Variants in GALNT17 observed in about 807,000 individuals in gnomAD.
GALNT17 encodes UDP-GalNAc:polypeptide N-acetylgalactosaminyltransferase-like 3.
In GALNT17, 29 loss-of-function variants were observed where a neutral mutation model predicts 63.7. That is an observed-to-expected ratio of 0.46 (90% CI 0.34 to 0.62). The LOEUF (loss-of-function observed/expected upper bound fraction) is 0.62, where lower values mean the gene tolerates loss of function less well. Ranked by LOEUF, GALNT17 falls within the 20% of genes least tolerant of loss-of-function variation. The pLI is 0.01. For missense variants in GALNT17, 603 were observed against 799.6 expected (o/e 0.75, Z 2.97); for synonymous variants, 305 against 318.3 (o/e 0.96, Z 0.45).
chr7:71,597,739 C>T (rs1789909193), intron 6 of GALNT17, among the ~76,000 whole-genome samples: 1 of 152,018 alleles, frequency 6.6e-6, no homozygotes, highest in Non-Finnish European at 1.5e-5. Flanking sequence ...AAGAGCTTTC[C>T]TGGCAGAGGT....
chr7:71,187,699 G>A (rs1206599280), intron 1 of GALNT17, among the ~76,000 whole-genome samples: 1 of 152,122 alleles, frequency 6.6e-6, no homozygotes, highest in African/African-American at 2.4e-5. Context: ...AATGGCTGAG[G>A]AGGGTGTTTC....
intron 1 of GALNT17, among the ~76,000 whole-genome samples, chr7:71,176,394 T>C (rs1044614168): frequency 6.6e-5 from 10 of 152,058 alleles, no homozygotes; most frequent in African/African-American, 2.4e-4. Flanking sequence ...AGTGGCAGGA[T>C]TTAATTGTTG....
intron 1 of GALNT17, among the ~76,000 whole-genome samples, chr7:71,251,608 C>T (rs192636601): frequency 6.6e-6 from 1 of 152,270 alleles, no homozygotes; most frequent in East Asian, 1.9e-4. Flanking sequence ...GATGGGGTCT[C>T]ACTGTGTTGC....
intron 1 of GALNT17, among the ~76,000 whole-genome samples, chr7:71,195,329 C>T (rs958570841): frequency 6.6e-6 from 1 of 152,060 alleles, no homozygotes; most frequent in African/African-American, 2.4e-5. Context: ...GATCTTTCCG[C>T]CTCAGTCTCC....
At chr7:71,657,666 T>C (rs561735298) in intron 6 of GALNT17, among the ~76,000 whole-genome samples, 1 of 152,206 alleles carries the variant, frequency 6.6e-6, no homozygotes, top group Non-Finnish European at 1.5e-5. Flanking sequence ...AATTGAGTCA[T>C]CAGATCACAA....
chr7:71,469,117 G>A (rs896720255), intron 5 of GALNT17, among the ~76,000 whole-genome samples: 10 of 152,112 alleles, frequency 6.6e-5, no homozygotes, highest in African/African-American at 2.4e-4. Flanking sequence ...AGGCACAGCA[G>A]AGGAGGGAAG....
At chr7:71,597,819 G>T (rs1255344608) in intron 6 of GALNT17, among the ~76,000 whole-genome samples, 1 of 152,156 alleles carries the variant, frequency 6.6e-6, no homozygotes, top group East Asian at 1.9e-4. Flanking sequence ...TGTCAATGTG[G>T]GACCTGTGTA....
At chr7:71,162,123 C>CCCTTCCTT (rs527578764) in intron 1 of GALNT17, among the ~76,000 whole-genome samples, 6,125 of 53,684 alleles carry the variant, frequency 0.11, 550 homozygotes, top group East Asian at 0.24. Flanking sequence ...CTCCCTCCCT[C>CCCTTCCTT]CCTTCCTTCC....
At chr7:71,150,373 C>T (rs1224596923) in intron 1 of GALNT17, among the ~76,000 whole-genome samples, 2 of 151,978 alleles carry the variant, frequency 1.3e-5, no homozygotes, top group African/African-American at 4.8e-5. Context: ...TTCAGGCTCC[C>T]CTGCAGTTAG....
intron 6 of GALNT17, among the ~76,000 whole-genome samples, chr7:71,580,451 CATAG>C (rs1400718513): frequency 6.7e-6 from 1 of 149,312 alleles, no homozygotes; most frequent in Non-Finnish European, 1.5e-5. Flanking sequence ...ATAGATGAGA[CATAG>C]ATAGTCTCAA....
At chr7:71,455,145 C>A in intron 5 of GALNT17, among the ~76,000 whole-genome samples, 1 of 149,680 alleles carries the variant, frequency 6.7e-6, no homozygotes, top group Non-Finnish European at 1.5e-5. Flanking sequence ...CCAGCCTGGG[C>A]AGCAGAGCAA....
rs565727729 is a variant in GALNT17, at chr7:71,403,566, G to A, written c.590-12323G>A. Among the ~76,000 whole-genome samples the A allele has an allele frequency of 1.1e-4, 17 of 152,310 alleles. No individual in the cohort carries two copies. In the South Asian group the frequency reaches 3.1e-3, roughly 28 times the overall value. ...GCTATTGATAGAACACTCGTATGAT[G>A]CATTAGTAACTTAACGTGGACATTT... On this transcript the variant is annotated intron_variant, in intron 3 of 10. Coordinates refer to ENST00000333538, the MANE Select transcript of GALNT17 (RefSeq NM_022479.3).
Position 71,693,263 on chromosome 7 carries a change from TACACACACACACACAC to T in GALNT17, c.1500+15989_1500+16004del, listed in dbSNP as rs761584365. 1.9e-4 allele frequency among the ~76,000 whole-genome samples: 21 copies of T among 108,894 alleles called. 3 individuals carry two copies. The highest frequency in any genetic ancestry group is 4.7e-4 in the East Asian group (1 of 2,136). The allele number at this position is 108,894 out of a possible 152,430, so 71.4% of individuals were successfully genotyped here. The stretch of plus-strand genomic sequence containing the variant: ...ACACATATATATACACACACACACA[TACACACACACACACAC>T]ACACACACACACACACACACACACA... On this transcript the variant is annotated intron_variant, in intron 9 of 10. Coordinates refer to ENST00000333538, the MANE Select transcript of GALNT17 (RefSeq NM_022479.3).
At chr7:71,239,750 A>C (rs1477449023) in intron 1 of GALNT17, among the ~76,000 whole-genome samples, 1 of 152,232 alleles carries the variant, frequency 6.6e-6, no homozygotes, top group Admixed American at 6.5e-5. Flanking sequence ...AAGCTGGGAC[A>C]TGTGACGAGG....
rs531235042 is a variant in GALNT17, at chr7:71,319,475, G to T, written c.239-16075G>T. ...TCAGTATTCAAACCCCTTTCTCTTT[G>T]TGTGTTTCTACTGCCCAGGTCTTCT... On this transcript the variant is annotated intron_variant, in intron 1 of 10. Transcript: ENST00000333538. Among the ~76,000 whole-genome samples, 4 of 152,106 alleles carry T rather than the reference G, an allele frequency of 2.6e-5. No individual in the cohort carries two copies. The South Asian group carries it at 8.3e-4, about 32-fold the overall frequency.
At chr7:71,665,646 G>C in intron 7 of GALNT17, 50 bp downstream of exon 7, 2 of 1,552,136 alleles carry the variant, frequency 1.3e-6, no homozygotes, top group South Asian at 2.4e-5. Context: ...GATCCTTACT[G>C]TTTGATCACT....
At chr7:71,163,528 CAG>C (rs1364644519) in intron 1 of GALNT17, among the ~76,000 whole-genome samples, 24 of 152,278 alleles carry the variant, frequency 1.6e-4, no homozygotes, top group South Asian at 1.2e-3. Context: ...ACGAGCCAAA[CAG>C]GGGGATTGGA....
intron 2 of GALNT17, among the ~76,000 whole-genome samples, chr7:71,353,993 A>T (rs991677493): frequency 7.2e-5 from 11 of 152,136 alleles, no homozygotes; most frequent in Admixed American, 2.0e-4. Flanking sequence ...GGTTTCTCAC[A>T]TGGTGGGAGC....
At chr7:71,499,191 C>T (rs1788141174) in intron 5 of GALNT17, among the ~76,000 whole-genome samples, 3 of 152,158 alleles carry the variant, frequency 2.0e-5, no homozygotes, top group Admixed American at 6.6e-5. Flanking sequence ...CATCCCCTTA[C>T]CTGAATGTTA....
Sources: gnomAD v4.1 joint callset for allele counts (sites outside exome capture counted in the v4.1 genomes callset) on GRCh38, gnomAD v4.1.1 for gene constraint, MANE v1.5 for transcripts, NCBI Gene and HGNC (gene_info 2026-07-23, HGNC 2026-07-21) for gene names.